SDK1: variants seen among roughly 807,000 people sequenced by gnomAD.
SDK1 encodes sidekick cell adhesion molecule 1.
SDK1 carries 157 observed loss-of-function variants against 245.5 expected under a neutral mutation model. The observed-to-expected ratio is 0.64, with a 90% CI of 0.56 to 0.73. The LOEUF is 0.73. SDK1 is among the 30% of genes least tolerant of loss of function. SDK1 has a pLI of 0.00. For missense variants in SDK1, 3,583 were observed against 3,002.3 expected, an observed-to-expected ratio of 1.19 and a Z score of -4.52; for synonymous variants, 1,647 against 1,278.5, an observed-to-expected ratio of 1.29 and a Z score of -6.15.
chr7:3,464,698 G>GTGTATATA lies in SDK1; in HGVS notation c.299-154381_299-154380insGTATATAT, dbSNP rs1554275277. 2.7e-3 allele frequency among the ~76,000 whole-genome samples: 398 copies of GTGTATATA among 148,102 alleles called. 4 individuals are homozygous for GTGTATATA. Among genetic ancestry groups the GTGTATATA allele is most frequent in the African/African-American group, 9.6e-3 (380 of 39,380 alleles). On this transcript the variant is annotated intron_variant, in intron 1 of 44. Transcript: ENST00000404826. ...TTATTCCCGTTCATTGTGTATGTAT[G>GTGTATATA]TATATATATATATATATACACACAC...
chr7:3,337,201 C>T (rs1780223899), intron 1 of SDK1, among the ~76,000 whole-genome samples: 2 of 151,776 alleles, frequency 1.3e-5, no homozygotes, highest in African/African-American at 4.8e-5. Flanking sequence ...AAATTCTCAG[C>T]CAAGAAATAA....
chr7:3,909,582 C>T (rs1479071661), intron 5 of SDK1, among the ~76,000 whole-genome samples: 5 of 152,238 alleles, frequency 3.3e-5, no homozygotes, highest in African/African-American at 1.2e-4. Flanking sequence ...GACCCCACCA[C>T]ACCCACTACA....
intron 4 of SDK1, among the ~76,000 whole-genome samples, chr7:3,769,990 A>G (rs1780362068): frequency 6.6e-6 from 1 of 150,458 alleles, no homozygotes. Context: ...ATGTAATTTT[A>G]CCACATGTGT....
intron 5 of SDK1, among the ~76,000 whole-genome samples, chr7:3,828,197 G>A (rs371093182): frequency 4.6e-5 from 7 of 152,090 alleles, no homozygotes; most frequent in African/African-American, 1.7e-4. Flanking sequence ...AAAATGAATT[G>A]AACCTGGGAA....
intron 14 of SDK1, among the ~76,000 whole-genome samples, chr7:3,993,779 C>T (rs1468803251): frequency 6.6e-6 from 1 of 152,098 alleles, no homozygotes; most frequent in Non-Finnish European, 1.5e-5. Context: ...TCTTCTGCCT[C>T]AAAGGACTGA....
intron 1 of SDK1, among the ~76,000 whole-genome samples, chr7:3,478,805 A>G (rs954618361): frequency 6.6e-6 from 1 of 151,942 alleles, no homozygotes; most frequent in East Asian, 1.9e-4. Flanking sequence ...TTTTCAGCCT[A>G]TATTCTTTTA....
At chr7:3,886,248 A>G (rs972697539) in intron 5 of SDK1, among the ~76,000 whole-genome samples, 1 of 152,172 alleles carries the variant, frequency 6.6e-6, no homozygotes, top group Non-Finnish European at 1.5e-5. Flanking sequence ...ATTCTCTGGA[A>G]CATCTGGTCA....
chr7:3,338,425 C>T, intron 1 of SDK1: 1 of 525,302 alleles, frequency 1.9e-6, no homozygotes, highest in Non-Finnish European at 3.6e-6. Flanking sequence ...TCTTAAGAGC[C>T]AAGATAGCTT....
chr7:3,388,776 G>C (rs761716561), intron 1 of SDK1, among the ~76,000 whole-genome samples: 1 of 151,022 alleles, frequency 6.6e-6, no homozygotes, highest in African/African-American at 2.5e-5. Context: ...TTTTAAATGA[G>C]ATTTCTGTCA....
chr7:3,793,158 T>G (rs1046571109), intron 4 of SDK1, among the ~76,000 whole-genome samples: 1 of 152,196 alleles, frequency 6.6e-6, no homozygotes, highest in African/African-American at 2.4e-5. Context: ...TAAAAAGTTA[T>G]ATTTCCATGT....
rs7777354 is a variant in SDK1 at position 4,145,986 on chromosome 7, G to A, written c.4423+70G>A. On this transcript the variant is annotated intron_variant, in intron 29 of 44. Coordinates refer to ENST00000404826, the MANE Select transcript of SDK1 (RefSeq NM_152744.4). Reference sequence around the variant, plus strand: ...CAGCTTCCTCAATCAGGCCCTCTGGGGTCTGCGGGGTACCTGGGAGGCTTC... The same window carrying A: ...CAGCTTCCTCAATCAGGCCCTCTGGAGTCTGCGGGGTACCTGGGAGGCTTC... 8,401 of 1,367,292 alleles carry A rather than the reference G, an allele frequency of 6.1e-3. 354 individuals carry two copies. The South Asian group carries it at 0.082, about 13-fold the overall frequency. 84.7% of individuals were successfully genotyped at this position (1,367,292 alleles called of 1,614,324 possible).
At chr7:3,806,895 T>C (rs1015394648) in intron 4 of SDK1, among the ~76,000 whole-genome samples, 7 of 152,158 alleles carry the variant, frequency 4.6e-5, no homozygotes, top group Admixed American at 3.3e-4. Flanking sequence ...AGAGTGATAT[T>C]ACCTAAATTT....
At chr7:3,834,840 G>T (rs151255734) in intron 5 of SDK1, among the ~76,000 whole-genome samples, 1 of 152,264 alleles carries the variant, frequency 6.6e-6, no homozygotes, top group Non-Finnish European at 1.5e-5. Context: ...AGCCTGTGAA[G>T]TGAGGCCTTT....
chr7:3,507,291 CCA>C (rs1424401885), intron 1 of SDK1, among the ~76,000 whole-genome samples: 1 of 151,816 alleles, frequency 6.6e-6, no homozygotes, highest in Non-Finnish European at 1.5e-5. Context: ...CAGACAAAAA[CCA>C]AGGGGACCTG....
intron 35 of SDK1, among the ~76,000 whole-genome samples, chr7:4,190,565 A>T (rs1044772052): frequency 1.3e-5 from 2 of 152,236 alleles, no homozygotes. Flanking sequence ...GCCCTCGCCA[A>T]GGAGTGCAGA....
intron 5 of SDK1, among the ~76,000 whole-genome samples, chr7:3,907,115 C>G (rs1001355517): frequency 6.6e-6 from 1 of 151,932 alleles, no homozygotes; most frequent in African/African-American, 2.4e-5. Context: ...TATATTCTCT[C>G]TTTTTTTATT....
In SDK1 at chr7:3,847,119, T is replaced by G. The variant is rs79079363; in HGVS notation, c.847+25536T>G. The stretch of plus-strand genomic sequence containing the variant: ...TGGAGAGCTGCAATGCCTCCAGCTC[T>G]TCTCTGTTCATGCCTCTCACGTACA... On this transcript the variant is annotated intron_variant, in intron 5 of 44. Coordinates refer to ENST00000404826, the MANE Select transcript of SDK1 (RefSeq NM_152744.4). Among the ~76,000 whole-genome samples the G allele has an allele frequency of 2.8e-3, 430 of 152,186 alleles. 5 individuals are homozygous for G. The South Asian group carries it at 0.031, about 11-fold the overall frequency.
chr7:3,814,450 C>A (rs1414704935), intron 4 of SDK1, among the ~76,000 whole-genome samples: 1 of 151,444 alleles, frequency 6.6e-6, no homozygotes, highest in Non-Finnish European at 1.5e-5. Flanking sequence ...TCTGAGGGCT[C>A]TGTTCTGTTC....
At chr7:3,835,327 G>C (rs1780006310) in intron 5 of SDK1, among the ~76,000 whole-genome samples, 1 of 152,122 alleles carries the variant, frequency 6.6e-6, no homozygotes, top group Admixed American at 6.6e-5. Context: ...TTGACCTGCT[G>C]GTTGCGGGCG....
Sources: gnomAD v4.1 joint callset for allele counts (sites outside exome capture counted in the v4.1 genomes callset) on GRCh38, gnomAD v4.1.1 for gene constraint, MANE v1.5 for transcripts, NCBI Gene and HGNC (gene_info 2026-07-23, HGNC 2026-07-21) for gene names.